MICU1: variants seen among roughly 807,000 people sequenced by gnomAD.
MICU1 encodes the protein mitochondrial calcium uptake 1.
A neutral mutation model predicts 56.8 loss-of-function variants in MICU1; 45 were observed. The ratio of observed to expected loss-of-function variants is 0.79; its 90% CI spans 0.62 to 1.02. The LOEUF is 1.02. MICU1 is among the 50% of genes least tolerant of loss of function. The pLI is 0.00. For synonymous variants in MICU1, 186 were observed against 195.1 expected, an observed-to-expected ratio of 0.95 and a Z score of 0.39; for missense variants, 504 against 587.1, an observed-to-expected ratio of 0.86 and a Z score of 1.46.
At chr10:72,458,926 C>T (rs1310127225) in intron 8 of MICU1, among the ~76,000 whole-genome samples, 4 of 141,304 alleles carry the variant, frequency 2.8e-5, no homozygotes, top group African/African-American at 1.0e-4. Context: ...ACATTATCTT[C>T]CTATGTTGCC....
chr10:72,432,190 C>T (rs1346172607), intron 8 of MICU1, among the ~76,000 whole-genome samples: 1 of 151,352 alleles, frequency 6.6e-6, no homozygotes, highest in African/African-American at 2.4e-5. Context: ...ACTTCCTGGG[C>T]TCAAGCAATC....
chr10:72,530,116 T>C (rs1839433865), intron 5 of MICU1, among the ~76,000 whole-genome samples: 1 of 151,184 alleles, frequency 6.6e-6, no homozygotes, highest in Non-Finnish European at 1.5e-5. Context: ...TTACCTGAGG[T>C]CAGGAGTTCA....
At chr10:72,401,279 A>G (rs1426206964) in intron 10 of MICU1, among the ~76,000 whole-genome samples, 1 of 152,236 alleles carries the variant, frequency 6.6e-6, no homozygotes, top group Admixed American at 6.5e-5. Context: ...TACAAACTGT[A>G]TATATTTAAA....
At chr10:72,438,258 A>T (rs564095937) in intron 8 of MICU1, among the ~76,000 whole-genome samples, 4 of 152,178 alleles carry the variant, frequency 2.6e-5, no homozygotes, top group Non-Finnish European at 5.9e-5. Flanking sequence ...TCAAAACCGC[A>T]CAACTACATG....
At chr10:72,418,904 A>G (rs1237880546) in intron 9 of MICU1, among the ~76,000 whole-genome samples, 1 of 152,224 alleles carries the variant, frequency 6.6e-6, no homozygotes, top group African/African-American at 2.4e-5. Context: ...ATGAGAGGAC[A>G]ATCAATCTTA....
intron 8 of MICU1, 111 bp from the exon 9 acceptor site, chr10:72,423,482 A>C (rs531490380): frequency 3.8e-6 from 5 of 1,304,268 alleles, no homozygotes; most frequent in Non-Finnish European, 4.1e-6. Context: ...GACTGGGACT[A>C]TATTTTTGAG....
At chr10:72,616,019 AC>A (rs749214757) in intron 1 of MICU1, among the ~76,000 whole-genome samples, 3 of 152,266 alleles carry the variant, frequency 2.0e-5, no homozygotes, top group Non-Finnish European at 2.9e-5. Flanking sequence ...ACAAAAAAAA[AC>A]ATGTTCAATC....
intron 1 of MICU1, among the ~76,000 whole-genome samples, chr10:72,583,880 A>T (rs1840973452): frequency 6.6e-6 from 1 of 152,224 alleles, no homozygotes; most frequent in Non-Finnish European, 1.5e-5. Flanking sequence ...GCTTAAAGTG[A>T]CATTAGTGAC....
intron 5 of MICU1, among the ~76,000 whole-genome samples, chr10:72,521,389 C>A (rs1443951684): frequency 2.0e-5 from 3 of 151,994 alleles, no homozygotes; most frequent in Admixed American, 6.6e-5. Flanking sequence ...ACATTAAAGA[C>A]CATGAAAAAC....
intron 1 of MICU1, among the ~76,000 whole-genome samples, chr10:72,602,283 T>A (rs1841559849): frequency 6.6e-6 from 1 of 151,286 alleles, no homozygotes. Flanking sequence ...AAACCCCATC[T>A]CTACTAAAAA....
At position 72,475,125 on chromosome 10, in the gene MICU1, A is replaced by G. The variant is rs753707794; in HGVS notation, c.908T>C (p.Leu303Pro). ...CTCAAGCTTCAGAACATCATGCTGC[A>G]GTTTACGCTGAAATTCGAGGAAGTT... ...IKNFLEFQRK[L>P]QHDVLKLEFE... The change falls in exon 8 of 12, where the codon CTG becomes CCG. Residue 303 changes from leucine (L) to proline (P), a missense_variant. Physicochemically the swap from Leu to Pro is moderately conservative, Grantham distance 98 (BLOSUM62 -3). Transcript: ENST00000361114. The G allele has an allele frequency of 1.2e-6, 2 of 1,610,588 alleles. No individual in the cohort carries two copies. The highest frequency in any genetic ancestry group is 3.4e-5 in the Admixed American group (2 of 59,514).
intron 3 of MICU1, 87 bp from the exon 4 acceptor site, chr10:72,551,428 A>C: frequency 4.2e-5 from 38 of 913,976 alleles, no homozygotes; most frequent in Non-Finnish European, 5.4e-5. Context: ...ATCAATTCTC[A>C]TATATTTTCC....
intron 4 of MICU1, among the ~76,000 whole-genome samples, chr10:72,539,472 C>T (rs907298302): frequency 5.3e-5 from 8 of 152,038 alleles, no homozygotes; most frequent in African/African-American, 1.7e-4. Flanking sequence ...GGAAATCAAG[C>T]AATATGCTCC....
At chr10:72,625,397 C>T (rs1418876807) in intron 1 of MICU1, among the ~76,000 whole-genome samples, 1 of 152,090 alleles carries the variant, frequency 6.6e-6, no homozygotes, top group Admixed American at 6.6e-5. Context: ...CACATAGAGT[C>T]AATAACATCT....
chr10:72,549,120 G>C (rs549572015), intron 4 of MICU1, among the ~76,000 whole-genome samples: 14 of 151,668 alleles, frequency 9.2e-5, no homozygotes, highest in South Asian at 2.1e-4. Context: ...CGAACTTTCT[G>C]GTTAGAAAAT....
intron 6 of MICU1, among the ~76,000 whole-genome samples, chr10:72,506,731 C>T (rs1867264275): frequency 6.6e-6 from 1 of 152,150 alleles, no homozygotes; most frequent in African/African-American, 2.4e-5. Flanking sequence ...TTTACAGACA[C>T]AACAGAAGAA....
At chr10:72,380,892 T>A (rs982400270) in intron 10 of MICU1, among the ~76,000 whole-genome samples, 1 of 152,218 alleles carries the variant, frequency 6.6e-6, no homozygotes, top group African/African-American at 2.4e-5. Flanking sequence ...GATGAATGAA[T>A]AATTGAATAA....
intron 9 of MICU1, among the ~76,000 whole-genome samples, chr10:72,416,490 T>G (rs1863987715): frequency 6.6e-6 from 1 of 152,172 alleles, no homozygotes; most frequent in Non-Finnish European, 1.5e-5. Flanking sequence ...TATCTGAGAA[T>G]AAGTGAAAAA....
chr10:72,560,689 G>A (rs1316050850), intron 3 of MICU1, among the ~76,000 whole-genome samples: 1 of 152,076 alleles, frequency 6.6e-6, no homozygotes, highest in Non-Finnish European at 1.5e-5. Context: ...GGCTAACATG[G>A]TGAAACCCCG....
Sources: gnomAD v4.1 joint callset for allele counts (sites outside exome capture counted in the v4.1 genomes callset) on GRCh38, gnomAD v4.1.1 for gene constraint, MANE v1.5 for transcripts, NCBI Gene and HGNC (gene_info 2026-07-23, HGNC 2026-07-21) for gene names.